Variants in LIPA observed in about 807,000 individuals in gnomAD.
LIPA encodes lysosomal acid lipase/cholesteryl ester hydrolase.
A neutral mutation model predicts 40.6 loss-of-function variants in LIPA; 26 were observed. The ratio of observed to expected loss-of-function variants is 0.64; its 90% confidence interval spans 0.47 to 0.89. The LOEUF (loss-of-function observed/expected upper bound fraction) is 0.89, where lower values mean the gene tolerates loss of function less well. Among genes scored for constraint, LIPA ranks in the 40% least tolerant of loss-of-function variants. The pLI, the probability that LIPA is intolerant of heterozygous loss-of-function variation, is 0.00. For missense variants in LIPA, 455 were observed against 479.6 expected (o/e 0.95, Z 0.48); for synonymous variants, 188 against 168.4 (o/e 1.12, Z -0.90).
At chr10:89,316,763 C>T (rs557270873) in intron 1 of LIPA, among the ~76,000 whole-genome samples, 1 of 152,364 alleles carries the variant, frequency 6.6e-6, no homozygotes, top group South Asian at 2.1e-4. Flanking sequence ...GGACAGACTG[C>T]CTCCTCAAGT....
chr10:89,216,410 C>CATAT (rs10646193), intron 8 of LIPA, among the ~76,000 whole-genome samples: 2,242 of 145,230 alleles, frequency 0.015, 51 homozygotes, highest in African/African-American at 0.047. Flanking sequence ...TATATATATA[C>CATAT]ATATATATAT....
At chr10:89,402,555 A>C in intron 2 of LIPA, 1 of 1,614,136 alleles carries the variant, frequency 6.2e-7, no homozygotes, top group Non-Finnish European at 8.5e-7. Flanking sequence ...AAATGTGAGG[A>C]GTCTGGTGAC....
chr10:89,237,686 A>T (rs183848740), intron 3 of LIPA, among the ~76,000 whole-genome samples: 21 of 152,326 alleles, frequency 1.4e-4, no homozygotes, highest in African/African-American at 4.6e-4. Context: ...AGGACTGGAC[A>T]ATGAGAACTA....
intron 1 of LIPA, among the ~76,000 whole-genome samples, chr10:89,341,923 A>C (rs1488315634): frequency 6.6e-6 from 1 of 152,226 alleles, no homozygotes; most frequent in African/African-American, 2.4e-5. Context: ...TGCATACGTG[A>C]AAATTGCTGA....
At chr10:89,275,713 A>G (rs896933898) in intron 1 of LIPA, among the ~76,000 whole-genome samples, 7 of 152,190 alleles carry the variant, frequency 4.6e-5, no homozygotes, top group African/African-American at 7.2e-5. Context: ...CTAGTGATCT[A>G]CTTTCATTTC....
At chr10:89,271,345 T>C (rs1306296665) in intron 1 of LIPA, among the ~76,000 whole-genome samples, 1 of 152,208 alleles carries the variant, frequency 6.6e-6, no homozygotes, top group Non-Finnish European at 1.5e-5. Context: ...TGGATGTTCA[T>C]TGTTCCTAGA....
intron 1 of LIPA, among the ~76,000 whole-genome samples, chr10:89,275,743 G>A (rs954694271): frequency 6.6e-6 from 1 of 152,100 alleles, no homozygotes; most frequent in African/African-American, 2.4e-5. Flanking sequence ...TGGCTCTGTC[G>A]TTTTGTGAAA....
At chr10:89,387,081 C>T (rs1405864265) in intron 2 of LIPA, among the ~76,000 whole-genome samples, 2 of 151,944 alleles carry the variant, frequency 1.3e-5, no homozygotes, top group Non-Finnish European at 1.5e-5. Context: ...CTTTGGGAGG[C>T]CGAGGTGGGC....
upstream of LIPA, among the ~76,000 whole-genome samples, chr10:89,343,067 G>A (rs1044234291): frequency 6.6e-6 from 1 of 152,184 alleles, no homozygotes; most frequent in South Asian, 2.1e-4. Context: ...GTAAAAGGAG[G>A]TAGGTAATAC....
intron 2 of LIPA, chr10:89,384,413 T>C: frequency 6.2e-7 from 1 of 1,614,172 alleles, no homozygotes; most frequent in Non-Finnish European, 8.5e-7. Flanking sequence ...CAGAAAGGGT[T>C]ACGCATGAAG....
intron 2 of LIPA, among the ~76,000 whole-genome samples, chr10:89,369,648 G>A (rs1844080846): frequency 6.6e-6 from 1 of 152,216 alleles, no homozygotes; most frequent in African/African-American, 2.4e-5. Context: ...GCTTTTTAAT[G>A]AGTTTTTCCT....
At chr10:89,234,058 C>T (rs944592176) in intron 3 of LIPA, among the ~76,000 whole-genome samples, 3 of 152,162 alleles carry the variant, frequency 2.0e-5, no homozygotes, top group Non-Finnish European at 4.4e-5. Flanking sequence ...CTCAGGAAGT[C>T]CCAGAAGAAG....
rs77969642 is a variant in LIPA, at chr10:89,395,820, G to GA, written c.61+16970dup. Among the ~76,000 whole-genome samples, 537 of 147,098 alleles carry GA rather than the reference G, an allele frequency of 3.7e-3. 2 individuals are homozygous for GA. Among genetic ancestry groups the GA allele is most frequent in the African/African-American group, 0.012 (484 of 39,970 alleles). On this transcript the variant is annotated intron_variant, in intron 2 of 8. Coordinates refer to the LIPA transcript ENST00000371837. ...AGGAGAGACCTCAAGACAAAATTAG[G>GA]AAAAAAAAAAATACAACAGTGACCT... is the stretch of plus-strand genomic sequence containing the variant.
At chr10:89,299,532 G>A (rs1055326062) in intron 1 of LIPA, among the ~76,000 whole-genome samples, 3 of 152,118 alleles carry the variant, frequency 2.0e-5, no homozygotes, top group Non-Finnish European at 2.9e-5. Context: ...AGTGAAAAAC[G>A]TTCTTCTCCA....
intron 2 of LIPA, among the ~76,000 whole-genome samples, chr10:89,368,234 T>C (rs1589623728): frequency 6.6e-6 from 1 of 152,238 alleles, no homozygotes; most frequent in East Asian, 1.9e-4. Flanking sequence ...TGAATTCATA[T>C]TCCACTAGCA....
At chr10:89,339,618 T>G (rs1291699545) in intron 1 of LIPA, 1 of 1,614,024 alleles carries the variant, frequency 6.2e-7, no homozygotes, top group Non-Finnish European at 8.5e-7. Flanking sequence ...CGAATAAAGC[T>G]CTTGAGAAGG....
chr10:89,284,953 G>C (rs1168884644), intron 1 of LIPA: 2 of 151,864 alleles, frequency 1.3e-5, no homozygotes, highest in African/African-American at 4.8e-5. Context: ...ATCCGCCTTT[G>C]ACTGTAATTT....
intron 2 of LIPA, among the ~76,000 whole-genome samples, chr10:89,401,118 A>AC (rs1178809056): frequency 6.7e-6 from 1 of 148,268 alleles, no homozygotes; most frequent in African/African-American, 2.5e-5. Flanking sequence ...CATTTAGATG[A>AC]CTTTTTTTTT....
chr10:89,342,115 T>TG (rs1843876793), intron 1 of LIPA, among the ~76,000 whole-genome samples: 1 of 152,218 alleles, frequency 6.6e-6, no homozygotes, highest in Non-Finnish European at 1.5e-5. Context: ...AAAAGGCTAA[T>TG]GGGGGGTAAC....
Sources: allele counts gnomAD v4.1 joint callset (sites outside exome capture counted in the v4.1 genomes callset), GRCh38; gene constraint gnomAD v4.1.1; transcripts MANE v1.5; gene names NCBI Gene and HGNC (gene_info 2026-07-23, HGNC 2026-07-21).